Variants in PKP1 observed in about 807,000 individuals in gnomAD.
The protein encoded by PKP1 is plakophilin 1.
PKP1 carries 27 observed loss-of-function variants against 76.4 expected under a neutral mutation model. The observed-to-expected ratio is 0.35, with a 90% CI of 0.26 to 0.49. The LOEUF is 0.49. Ranked by LOEUF, PKP1 falls within the 20% of genes least tolerant of loss-of-function variation. The pLI, the probability that PKP1 is intolerant of heterozygous loss-of-function variation, is 0.99. For missense variants in PKP1, 964 were observed against 955.2 expected, an observed-to-expected ratio of 1.01 and a Z score of -0.12; for synonymous variants, 404 against 384.2, an observed-to-expected ratio of 1.05 and a Z score of -0.60.
At chr1:201,326,498 A>G (rs1400626095) in intron 12 of PKP1, among the ~76,000 whole-genome samples, 1 of 152,262 alleles carries the variant, frequency 6.6e-6, no homozygotes, top group East Asian at 1.9e-4. Flanking sequence ...AGTGATAAGC[A>G]TGGACATAAA....
chr1:201,287,585 A>G (rs1272123330), intron 1 of PKP1, among the ~76,000 whole-genome samples: 1 of 152,178 alleles, frequency 6.6e-6, no homozygotes, highest in African/African-American at 2.4e-5. Flanking sequence ...AAATGAACCA[A>G]TTCTTGTTTC....
intron 8 of PKP1, 98 bp from the exon 9 acceptor site, chr1:201,322,915 C>G: frequency 7.5e-7 from 1 of 1,341,210 alleles, no homozygotes; most frequent in Non-Finnish European, 1.0e-6. Flanking sequence ...CTATCTGGAA[C>G]CACGACCCTG....
chr1:201,322,194 C>A, intron 8 of PKP1, 61 bp downstream of exon 8: 6 of 1,558,676 alleles, frequency 3.8e-6, no homozygotes, highest in Non-Finnish European at 5.2e-6. Flanking sequence ...GGAGCCACTG[C>A]CTCATCTGCC....
intron 6 of PKP1, among the ~76,000 whole-genome samples, chr1:201,319,625 G>A (rs912160243): frequency 2.6e-5 from 4 of 152,188 alleles, no homozygotes; most frequent in Non-Finnish European, 5.9e-5. Flanking sequence ...GGTAGCAACA[G>A]CAGCCACACC....
chr1:201,326,511 A>T (rs1657131158), intron 12 of PKP1, among the ~76,000 whole-genome samples: 1 of 152,232 alleles, frequency 6.6e-6, no homozygotes, highest in African/African-American at 2.4e-5. Context: ...GACATAAAGG[A>T]CAGGAGGTGG....
chr1:201,316,517 C>G lies in PKP1; in HGVS notation c.702-36C>G, dbSNP rs747820501. ...AGCCCCCTCAGCAGGGCTCCCAGCCCACCCCGTAACCACCCCCACTGCCTA... is the reference window on the plus strand; with the variant it reads ...AGCCCCCTCAGCAGGGCTCCCAGCCGACCCCGTAACCACCCCCACTGCCTA... On this transcript the variant is annotated intron_variant, in intron 3 of 13. Coordinates refer to ENST00000367324, the MANE Select transcript of PKP1 (RefSeq NM_001005337.3). 2.5e-6 allele frequency: 4 copies of G among 1,575,532 alleles called. No individual in the cohort carries two copies. In the East Asian group the frequency reaches 7.0e-5, roughly 27 times the overall value.
At chr1:201,329,155 T>C (rs2102190344) in intron 13 of PKP1, among the ~76,000 whole-genome samples, 2 of 152,314 alleles carry the variant, frequency 1.3e-5, no homozygotes, top group South Asian at 4.1e-4. Flanking sequence ...ACACAGGTGG[T>C]GCCCTTCACA....
At chr1:201,304,964 CG>C in intron 2 of PKP1, among the ~76,000 whole-genome samples, 1 of 152,354 alleles carries the variant, frequency 6.6e-6, no homozygotes, top group Middle Eastern at 3.4e-3. Context: ...AGGTGATGAA[CG>C]GGGAAGCCCT....
rs1390804555 is a variant in PKP1, at chr1:201,313,252, C to T, written c.393C>T (p.Pro131=). 6.2e-7 allele frequency: 1 copy of T among 1,604,968 alleles called. No individual in the cohort carries two copies. Among genetic ancestry groups the T allele is most frequent in the East Asian group, 2.2e-5 (1 of 44,604 alleles). The change falls in exon 3 of 14, where the codon CCC becomes CCT. Residue 131 remains proline (P), a synonymous_variant. Transcript: ENST00000367324. ...TGGAGAACTGGAGCCGGCACTACCC[C>T]CGGGGCAGCTGTAACACCACCGGCG... The part of the protein sequence containing the change: ...SQMENWSRHY[P]RGSCNTTGAG...
At chr1:201,317,156 G>A (rs1656776318) in intron 4 of PKP1, among the ~76,000 whole-genome samples, 1 of 152,158 alleles carries the variant, frequency 6.6e-6, no homozygotes. Context: ...TCAGCCCAAG[G>A]ATGTAGTGTC....
intron 3 of PKP1, among the ~76,000 whole-genome samples, chr1:201,314,900 C>T (rs991972249): frequency 8.5e-5 from 13 of 152,224 alleles, no homozygotes; most frequent in Non-Finnish European, 1.5e-4. Flanking sequence ...TCCTCACACC[C>T]GCCACCAGGC....
intron 2 of PKP1, among the ~76,000 whole-genome samples, chr1:201,306,892 G>A (rs1656386590): frequency 6.6e-6 from 1 of 151,998 alleles, no homozygotes; most frequent in Non-Finnish European, 1.5e-5. Context: ...TCGTGGTCTC[G>A]ATCTCCTGAC....
chr1:201,311,832 A>G (rs1215082417), intron 2 of PKP1, among the ~76,000 whole-genome samples: 1 of 152,228 alleles, frequency 6.6e-6, no homozygotes, highest in Non-Finnish European at 1.5e-5. Context: ...TTGATCCTCT[A>G]CTATGAGAAC....
chr1:201,317,159 G>T (rs1430791316), intron 4 of PKP1, among the ~76,000 whole-genome samples: 1 of 152,152 alleles, frequency 6.6e-6, no homozygotes, highest in Non-Finnish European at 1.5e-5. Flanking sequence ...GCCCAAGGAT[G>T]TAGTGTCAAA....
In PKP1 at chr1:201,322,022, C is replaced by T. The variant is rs1656957660; in HGVS notation, c.1392C>T (p.Arg464=). The change falls in exon 8 of 14, where the codon CGC becomes CGT. Residue 464 remains arginine (R), a synonymous_variant. Coordinates refer to ENST00000367324, the MANE Select transcript of PKP1 (RefSeq NM_001005337.3). Reference sequence around the variant, plus strand: ...GTGTTCTGCACAACCTCTCCTACCGCCTGGACGCCGAGGTGCCCACCCGCT... The same window carrying T: ...GTGTTCTGCACAACCTCTCCTACCGTCTGGACGCCGAGGTGCCCACCCGCT... ...CMCVLHNLSY[R]LDAEVPTRYR... is the part of the protein sequence containing the mutation. The T allele has an allele frequency of 3.7e-6, 6 of 1,613,978 alleles. No homozygotes were observed. The highest frequency in any genetic ancestry group is 1.7e-5 in the Admixed American group (1 of 60,002).
chr1:201,310,519 G>T (rs914332178), intron 2 of PKP1, among the ~76,000 whole-genome samples: 1 of 152,212 alleles, frequency 6.6e-6, no homozygotes. Context: ...CTTCAAGGCT[G>T]CAGGCTTCAT....
chr1:201,313,642 G>A, intron 3 of PKP1, 82 bp downstream of exon 3: 2 of 1,425,304 alleles, frequency 1.4e-6, no homozygotes, highest in Non-Finnish European at 1.9e-6. Flanking sequence ...CCTGCAAAGG[G>A]CTCCTGGGAT....
chr1:201,297,065 A>C (rs1350971990), intron 2 of PKP1, among the ~76,000 whole-genome samples: 2 of 152,250 alleles, frequency 1.3e-5, no homozygotes, highest in Non-Finnish European at 2.9e-5. Flanking sequence ...CTTATAGTCT[A>C]TATCAATAAT....
chr1:201,319,719 C>A (rs1656878976), intron 6 of PKP1: 1 of 1,244,474 alleles, frequency 8.0e-7, no homozygotes, highest in Non-Finnish European at 1.2e-6. Flanking sequence ...GGGGGCAGAA[C>A]ACAGCTTGGG....
Sources: gnomAD v4.1 joint callset for allele counts (sites outside exome capture counted in the v4.1 genomes callset) on GRCh38, gnomAD v4.1.1 for gene constraint, MANE v1.5 for transcripts, NCBI Gene and HGNC (gene_info 2026-07-23, HGNC 2026-07-21) for gene names.